Variants in SPOCK3 observed in about 807,000 individuals in gnomAD.
SPOCK3 encodes the protein SPARC (osteonectin), cwcv and kazal like domains proteoglycan 3, also known as testican-3.
In SPOCK3, 30 loss-of-function variants were observed where a neutral mutation model predicts 56.6. The ratio of observed to expected loss-of-function variants is 0.53; its 90% CI spans 0.40 to 0.72. The LOEUF (loss-of-function observed/expected upper bound fraction) is 0.72. SPOCK3 is among the 30% of genes least tolerant of loss of function. SPOCK3 has a pLI of 0.00. For synonymous variants in SPOCK3, 196 were observed against 183.3 expected (o/e 1.07, Z -0.56); for missense variants, 527 against 530.0 (o/e 0.99, Z 0.06).
chr4:166,734,912 T>C lies in SPOCK3; in HGVS notation c.*9A>G, dbSNP rs961821577. On this transcript the variant is annotated 3_prime_UTR_variant, in exon 11 of 11. Transcript: ENST00000357545. ...AAATGTAGAATTTATTGATTTCAAC[T>C]GTCATCAATCAAATGTATACATCAT... is the stretch of plus-strand genomic sequence containing the variant. 6 of 1,503,568 alleles carry C rather than the reference T, an allele frequency of 4.0e-6. No homozygotes were observed. In the African/African-American group the frequency reaches 5.6e-5, roughly 14 times the overall value. The allele number at this position is 1,503,568 out of a possible 1,614,324, so 93.1% of individuals were successfully genotyped here. A position where few individuals can be genotyped will look rare whatever the true frequency, so the allele number is the denominator to read the frequency against.
intron 5 of SPOCK3, among the ~76,000 whole-genome samples, chr4:166,895,191 T>C (rs1279153832): frequency 1.3e-5 from 2 of 152,076 alleles, no homozygotes; most frequent in Non-Finnish European, 2.9e-5. Context: ...GTATGATACA[T>C]ATGATTAATA....
At chr4:166,754,865 A>T (rs1736869895) in intron 7 of SPOCK3, 136 bp from the exon 8 acceptor site, 1 of 727,268 alleles carries the variant, frequency 1.4e-6, no homozygotes, top group South Asian at 1.8e-5. Flanking sequence ...TAAATTCATC[A>T]TGAGTAGTTT....
intron 6 of SPOCK3, among the ~76,000 whole-genome samples, chr4:166,829,606 T>C (rs1201078622): frequency 6.6e-6 from 1 of 152,110 alleles, no homozygotes; most frequent in Non-Finnish European, 1.5e-5. Context: ...CAGAAATACT[T>C]TCTATGCAAA....
intron 4 of SPOCK3, among the ~76,000 whole-genome samples, chr4:166,949,603 C>T (rs373943057): frequency 6.6e-5 from 10 of 152,186 alleles, no homozygotes; most frequent in East Asian, 1.9e-4. Context: ...CCTAGAGGTC[C>T]ACTCCAGACC....
chr4:166,821,962 A>C (rs1419921732), intron 6 of SPOCK3, among the ~76,000 whole-genome samples: 1 of 152,100 alleles, frequency 6.6e-6, no homozygotes, highest in Non-Finnish European at 1.5e-5. Flanking sequence ...TAACTATCAA[A>C]TATGTGAAAA....
At chr4:167,136,207 T>C (rs1383536370) in intron 2 of SPOCK3, among the ~76,000 whole-genome samples, 2 of 151,956 alleles carry the variant, frequency 1.3e-5, no homozygotes, top group East Asian at 3.9e-4. Context: ...AATGTAATTC[T>C]CATGTAAGCT....
At chr4:167,048,339 A>G (rs1580119418) in intron 3 of SPOCK3, among the ~76,000 whole-genome samples, 1 of 152,084 alleles carries the variant, frequency 6.6e-6, no homozygotes. Flanking sequence ...AAGAAAAAAA[A>G]GTAGTGTGTG....
chr4:166,808,642 C>A (rs907827228), intron 6 of SPOCK3, among the ~76,000 whole-genome samples: 1 of 152,082 alleles, frequency 6.6e-6, no homozygotes, highest in Non-Finnish European at 1.5e-5. Context: ...ATTATGGCAG[C>A]CTGAGCTAAC....
intron 2 of SPOCK3, among the ~76,000 whole-genome samples, chr4:167,167,114 T>C (rs1322836928): frequency 6.6e-6 from 1 of 152,104 alleles, no homozygotes; most frequent in Non-Finnish European, 1.5e-5. Context: ...CCGATGCAAA[T>C]TTCACCTTGA....
In SPOCK3 at chr4:166,842,542, G is replaced by A. The variant is rs138954499; in HGVS notation, c.589+46588C>T. On this transcript the variant is annotated intron_variant, in intron 6 of 10. Coordinates refer to ENST00000357545, the MANE Select transcript of SPOCK3 (RefSeq NM_001040159.2). ...TGAGCTAGACACAAGGTGCTGATTG[G>A]TGTGTTTACAAACCTTGAGCTAGAC... Among the ~76,000 whole-genome samples, 796 of 152,254 alleles carry A rather than the reference G, an allele frequency of 5.2e-3. 10 individuals carry two copies. Among genetic ancestry groups the A allele is most frequent in the African/African-American group, 0.018 (765 of 41,542 alleles).
At chr4:167,116,917 A>G (rs901424687) in intron 2 of SPOCK3, among the ~76,000 whole-genome samples, 4 of 142,214 alleles carry the variant, frequency 2.8e-5, no homozygotes, top group Non-Finnish European at 4.5e-5. Flanking sequence ...GTGTGTGTAT[A>G]TATATATATA....
chr4:166,743,724 C>T (rs868394395), intron 8 of SPOCK3, among the ~76,000 whole-genome samples: 20 of 152,148 alleles, frequency 1.3e-4, no homozygotes, highest in African/African-American at 2.9e-4. Context: ...CCGTGATAGA[C>T]GGTACCTGGA....
intron 2 of SPOCK3, among the ~76,000 whole-genome samples, chr4:167,131,921 A>AGGACATT (rs1379538794): frequency 6.6e-6 from 1 of 151,940 alleles, no homozygotes; most frequent in Non-Finnish European, 1.5e-5. Flanking sequence ...ATAATATTTT[A>AGGACATT]GGACATTTGT....
At chr4:167,207,882 A>G (rs1395968729) in intron 2 of SPOCK3, among the ~76,000 whole-genome samples, 2 of 152,158 alleles carry the variant, frequency 1.3e-5, no homozygotes, top group Non-Finnish European at 2.9e-5. Flanking sequence ...AATAAAAAAA[A>G]AAAATTCAGT....
chr4:167,223,235 AT>A (rs1029910543), intron 2 of SPOCK3, among the ~76,000 whole-genome samples: 6 of 139,778 alleles, frequency 4.3e-5, no homozygotes, highest in Admixed American at 2.2e-4. Context: ...TATATAATAT[AT>A]TTTATATTCA....
intron 4 of SPOCK3, among the ~76,000 whole-genome samples, chr4:166,928,556 A>G (rs12647672): frequency 0.38 from 57,311 of 151,858 alleles, 12,015 homozygotes; most frequent in East Asian, 0.7. Context: ...TAGGCAGATC[A>G]CAGAAGACTT....
chr4:166,944,914 A>G (rs1039958164), intron 4 of SPOCK3, among the ~76,000 whole-genome samples: 4 of 152,124 alleles, frequency 2.6e-5, no homozygotes, highest in Non-Finnish European at 4.4e-5. Context: ...TCACTCATTT[A>G]TTTATATTAC....
chr4:166,895,176 TATTGGTATGATACATATGATTA>T (rs1170493105), intron 5 of SPOCK3, among the ~76,000 whole-genome samples: 3 of 152,068 alleles, frequency 2.0e-5, no homozygotes, highest in African/African-American at 7.2e-5. Context: ...GTTGTTTAAT[TATTGGTATGATACATATGATTA>T]ATAAAATCAT....
At chr4:166,992,548 A>G (rs1747911360) in intron 4 of SPOCK3, among the ~76,000 whole-genome samples, 1 of 152,160 alleles carries the variant, frequency 6.6e-6, no homozygotes, top group Non-Finnish European at 1.5e-5. Context: ...TTTTATATGA[A>G]AGGCACCTAC....
Sources: gnomAD v4.1 joint callset for allele counts (sites outside exome capture counted in the v4.1 genomes callset) on GRCh38, gnomAD v4.1.1 for gene constraint, MANE v1.5 for transcripts, NCBI Gene and HGNC (gene_info 2026-07-23, HGNC 2026-07-21) for gene names.